GCLM: variants seen among roughly 807,000 people sequenced by gnomAD.
The protein encoded by GCLM is glutamate--cysteine ligase regulatory subunit.
A neutral mutation model predicts 36.0 loss-of-function variants in GCLM; 15 were observed. The observed-to-expected ratio is 0.42, with a 90% CI of 0.28 to 0.64. GCLM has a LOEUF of 0.64. GCLM is among the 30% of genes least tolerant of loss of function. GCLM has a pLI of 0.25. For synonymous variants in GCLM, 129 were observed against 122.8 expected, an observed-to-expected ratio of 1.05 and a Z score of -0.34; for missense variants, 242 against 325.5, an observed-to-expected ratio of 0.74 and a Z score of 1.97.
chr1:93,901,630 C>A lies in GCLM; in HGVS notation c.232G>T (p.Val78Leu). 6.3e-7 allele frequency: 1 copy of A among 1,582,200 alleles called. No homozygotes were observed. Among genetic ancestry groups the A allele is most frequent in the East Asian group, 2.2e-5 (1 of 44,636 alleles). ...DVLECTVSHA[V>L]EKINPDEREE... is the part of the protein sequence containing the mutation. ...CTTTCATCAGGATTTATCTTTTCTA[C>A]TGCATGAGATACAGTGCATTCCAAG... Residue 78 changes from valine (V) to leucine (L), a missense_variant, in exon 3 of 7, where the codon GTA (valine) becomes TTA (leucine). Transcript: ENST00000370238.
chr1:93,903,993 A>G (rs1018801383), intron 2 of GCLM, among the ~76,000 whole-genome samples: 6 of 152,222 alleles, frequency 3.9e-5, no homozygotes, highest in African/African-American at 1.4e-4. Context: ...TATTTCCAGC[A>G]CATGTCCTTT....
intron 6 of GCLM, among the ~76,000 whole-genome samples, chr1:93,889,559 G>A (rs1656455308): frequency 6.6e-6 from 1 of 151,204 alleles, no homozygotes; most frequent in African/African-American, 2.4e-5. Context: ...CTTTTTTGGT[G>A]TATATGAGTA....
At chr1:93,892,160 T>C (rs1474132433) in intron 6 of GCLM, among the ~76,000 whole-genome samples, 1 of 152,150 alleles carries the variant, frequency 6.6e-6, no homozygotes, top group Admixed American at 6.5e-5. Flanking sequence ...AAGTTCTAAA[T>C]TCAGGATCAT....
chr1:93,896,256 C>T (rs1485713551), intron 5 of GCLM, among the ~76,000 whole-genome samples: 2 of 151,988 alleles, frequency 1.3e-5, no homozygotes, highest in African/African-American at 2.4e-5. Flanking sequence ...CCACCACACC[C>T]GGCCGTAAGG....
rs1171893262 is a variant in GCLM, at chr1:93,894,695, A to T, written c.574T>A (p.Ser192Thr). 6.2e-7 allele frequency: 1 copy of T among 1,609,982 alleles called. No individual in the cohort carries two copies. The highest frequency in any genetic ancestry group is 2.2e-5 in the East Asian group (1 of 44,770). The change falls in exon 6 of 7, where the codon TCC becomes ACC. Residue 192 changes from serine to threonine, a missense_variant. Ser to Thr is a moderately conservative substitution (Grantham distance 58, BLOSUM62 1). Transcript: ENST00000370238. ...AAATCTGGTGGCATCACACAGCAGG[A>T]GGCAAGATTAACTTGGTTACTATTT... is the stretch of plus-strand genomic sequence containing the variant. ...KPNSNQVNLA[S>T]CCVMPPDLTA...
chr1:93,889,905 A>AAT (rs201130445), intron 6 of GCLM, among the ~76,000 whole-genome samples: 8 of 149,214 alleles, frequency 5.4e-5, no homozygotes, highest in African/African-American at 9.8e-5. Flanking sequence ...TTTTTTAAAA[A>AAT]ATATATATAT....
intron 6 of GCLM, among the ~76,000 whole-genome samples, chr1:93,891,866 C>T (rs17879190): frequency 2.9e-3 from 434 of 152,278 alleles, no homozygotes; most frequent in African/African-American, 0.01. Context: ...TTTCTGAGTA[C>T]TTTACATGTA....
At chr1:93,894,855 G>T in intron 5 of GCLM, 127 bp from the exon 6 acceptor site, 1 of 584,118 alleles carries the variant, frequency 1.7e-6, no homozygotes. Context: ...AGTGATTAAA[G>T]TTTACAAAAT....
chr1:93,902,282 AT>A (rs11292205), intron 2 of GCLM, among the ~76,000 whole-genome samples: 152,082 of 152,084 alleles, frequency 1, 76,040 homozygotes, highest in Non-Finnish European at 1. Flanking sequence ...GGTTCACGCC[AT>A]TCCTCCTGCC....
At position 93,899,879 on chromosome 1, in the gene GCLM, T is replaced by A. The variant is rs1409834371; in HGVS notation, c.277+1706A>T. 4.6e-5 allele frequency among the ~76,000 whole-genome samples: 7 copies of A among 152,280 alleles called. No individual in the cohort carries two copies. In the Middle Eastern group the frequency reaches 0.017, roughly 370 times the overall value. On this transcript the variant is annotated intron_variant, in intron 3 of 6. Coordinates refer to ENST00000370238, the MANE Select transcript of GCLM (RefSeq NM_002061.4). ...ACTTTATATGTACATATTTACTTTATGTAAACTCACTGTTCAAAAAAATAA... is the reference window on the plus strand; with the variant it reads ...ACTTTATATGTACATATTTACTTTAAGTAAACTCACTGTTCAAAAAAATAA...
intron 2 of GCLM, among the ~76,000 whole-genome samples, chr1:93,902,873 T>C (rs1557731985): frequency 6.7e-6 from 1 of 148,894 alleles, no homozygotes; most frequent in South Asian, 2.1e-4. Context: ...TAGTTTTTTT[T>C]ACTAGACTAG....
At chr1:93,902,896 C>T (rs750113558) in intron 2 of GCLM, among the ~76,000 whole-genome samples, 1 of 152,180 alleles carries the variant, frequency 6.6e-6, no homozygotes, top group South Asian at 2.1e-4. Flanking sequence ...AAACTATAGT[C>T]TACATAGTTT....
At chr1:93,896,154 G>C (rs944107828) in intron 5 of GCLM, among the ~76,000 whole-genome samples, 1 of 151,560 alleles carries the variant, frequency 6.6e-6, no homozygotes, top group African/African-American at 2.4e-5. Flanking sequence ...GTAGAGACAG[G>C]GTTTCACCAT....
At chr1:93,904,036 T>C (rs1479009015) in intron 2 of GCLM, among the ~76,000 whole-genome samples, 2 of 152,254 alleles carry the variant, frequency 1.3e-5, no homozygotes, top group Non-Finnish European at 2.9e-5. Flanking sequence ...AGTAATGTGC[T>C]GTGAGCCTTT....
intron 5 of GCLM, among the ~76,000 whole-genome samples, chr1:93,895,206 C>T (rs553398264): frequency 4.0e-5 from 6 of 151,596 alleles, no homozygotes; most frequent in South Asian, 2.1e-4. Context: ...AGTAGAGACG[C>T]GGTTTCACCA....
chr1:93,897,873 G>A lies in GCLM; in HGVS notation c.303C>T (p.Asn101=), dbSNP rs773013359. 2.5e-5 allele frequency: 38 copies of A among 1,549,866 alleles called. No homozygotes were observed. Among genetic ancestry groups the A allele is most frequent in the Non-Finnish European group, 3.2e-5 (37 of 1,157,198 alleles). ...CTGCACTTCTAGTTGATGATGAAGA[G>A]TTTGATTCTACAATGAACAGTTTTG... ...VSAKLFIVES[N]SSSSTRSAVD... is the part of the protein sequence containing the mutation. The change falls in exon 4 of 7, where the codon AAC becomes AAT. Residue 101 remains asparagine, a synonymous_variant. Coordinates refer to ENST00000370238, the MANE Select transcript of GCLM (RefSeq NM_002061.4).
At chr1:93,890,235 C>T (rs1218509031) in intron 6 of GCLM, among the ~76,000 whole-genome samples, 1 of 151,830 alleles carries the variant, frequency 6.6e-6, no homozygotes, top group South Asian at 2.1e-4. Flanking sequence ...AAACCAAAAG[C>T]GGTTTATTAC....
At position 93,889,208 on chromosome 1, in the gene GCLM, C is replaced by A. The variant is rs1292482215; in HGVS notation, c.656-49G>T. ...AACTCCAGCGTGTTAAATTGGAAAA[C>A]AAAAAAGCACTTTAGTATGTAGGTA... On this transcript the variant is annotated intron_variant, in intron 6 of 6. Coordinates refer to ENST00000370238, the MANE Select transcript of GCLM (RefSeq NM_002061.4). The A allele has an allele frequency of 5.2e-6, 7 of 1,344,176 alleles. No homozygotes were observed. The Admixed American group carries it at 9.1e-5, about 17-fold the overall frequency. The allele number at this position is 1,344,176 out of a possible 1,614,324, so 83.3% of individuals were successfully genotyped here. A position where few individuals can be genotyped will look rare whatever the true frequency, so the allele number is the denominator to read the frequency against.
chr1:93,908,909 G>A (rs1237696648), intron 1 of GCLM, 129 bp downstream of exon 1: 7 of 700,176 alleles, frequency 1.0e-5, no homozygotes, highest in Non-Finnish European at 1.2e-5. Context: ...TCTGACCGCG[G>A]GCGGAGCCCA....
Sources: allele counts gnomAD v4.1 joint callset (sites outside exome capture counted in the v4.1 genomes callset), GRCh38; gene constraint gnomAD v4.1.1; transcripts MANE v1.5; gene names NCBI Gene and HGNC (gene_info 2026-07-23, HGNC 2026-07-21).